The following CHEK1 variants were observed in gnomAD, a reference collection of about 807,000 sequenced individuals.
CHEK1 encodes the protein checkpoint kinase 1, also known as serine/threonine-protein kinase Chk1.
Under a neutral mutation model 60.2 loss-of-function variants are expected in CHEK1, and 32 were observed. The ratio of observed to expected loss-of-function variants is 0.53; its 90% CI spans 0.40 to 0.71. The LOEUF (loss-of-function observed/expected upper bound fraction) is 0.71, where lower values mean the gene tolerates loss of function less well. Ranked by LOEUF, CHEK1 falls within the 30% of genes least tolerant of loss-of-function variation. The pLI is 0.00. For synonymous variants in CHEK1, 179 were observed against 187.2 expected (o/e 0.96, Z 0.36); for missense variants, 399 against 564.6 (o/e 0.71, Z 2.97).
chr11:125,655,394 T>C lies in CHEK1; in HGVS notation c.*74T>C, dbSNP rs1941876371. On this transcript the variant is annotated 3_prime_UTR_variant, in exon 13 of 13. Coordinates refer to ENST00000438015, the MANE Select transcript of CHEK1 (RefSeq NM_001114122.3). ...TGACATTATTCTTCCTAGAGAAGAT[T>C]ATCCTGTCCTGCAAACTGCAAATAG... The C allele has an allele frequency of 9.5e-7, 1 of 1,056,006 alleles. No individual in the cohort carries two copies. Among genetic ancestry groups the C allele is most frequent in the Non-Finnish European group, 1.4e-6 (1 of 705,526 alleles). The allele number at this position is 1,056,006 out of a possible 1,614,324, so 65.4% of individuals were successfully genotyped here. A position where few individuals can be genotyped will look rare whatever the true frequency, so the allele number is the denominator to read the frequency against.
At position 125,625,890 on chromosome 11, in the gene CHEK1, G is replaced by A. The variant is rs1341355771; in HGVS notation, c.-143G>A. ...CCGACATTCAGAGGGGCAGGACACGGGAACGCGCGCTGTCTTGCTTTACGG... is the reference window on the plus strand; with the variant it reads ...CCGACATTCAGAGGGGCAGGACACGAGAACGCGCGCTGTCTTGCTTTACGG... On this transcript the variant is annotated 5_prime_UTR_variant, in exon 1 of 13. Transcript: ENST00000438015. 1.4e-6 allele frequency: 1 copy of A among 702,672 alleles called. No individual in the cohort carries two copies. The highest frequency in any genetic ancestry group is 2.6e-6 in the Non-Finnish European group (1 of 385,020). The allele number at this position is 702,672 out of a possible 1,614,324, so 43.5% of individuals were successfully genotyped here.
intron 13 of CHEK1, chr11:125,672,825 G>T: frequency 7.4e-7 from 1 of 1,342,888 alleles, no homozygotes; most frequent in Non-Finnish European, 1.0e-6. Context: ...ACCTCCACTT[G>T]TCCATTATCC....
At chr11:125,644,440 G>T in intron 10 of CHEK1, 72 bp from the exon 11 acceptor site, 6 of 1,549,856 alleles carry the variant, frequency 3.9e-6, no homozygotes, top group Non-Finnish European at 8.7e-7. Context: ...TTTTAAGTCA[G>T]ACTAAATAGC....
chr11:125,658,531 C>T (rs923771304), downstream of CHEK1, among the ~76,000 whole-genome samples: 7 of 151,928 alleles, frequency 4.6e-5, no homozygotes, highest in Non-Finnish European at 8.8e-5. Context: ...TTGTTCCATT[C>T]TTCATGAACA....
Position 125,650,309 on chromosome 11 carries a change from A to T in CHEK1, c.1234-3437A>T, listed in dbSNP as rs184528288. Among the ~76,000 whole-genome samples, 3 of 151,946 alleles carry T rather than the reference A, an allele frequency of 2.0e-5. No individual in the cohort carries two copies. In the East Asian group the frequency reaches 5.8e-4, roughly 29 times the overall value. On this transcript the variant is annotated intron_variant, in intron 11 of 12. Transcript: ENST00000438015. ...TTGCTGTTTTTCCTTTATAAGGGCC[A>T]TACTTTGTTTCCTTACATGCTTTGT...
chr11:125,660,130 A>G (rs936479304), downstream of CHEK1, among the ~76,000 whole-genome samples: 1 of 152,192 alleles, frequency 6.6e-6, no homozygotes, highest in Non-Finnish European at 1.5e-5. Flanking sequence ...TATTATGAAT[A>G]AGGCTGCTGT....
chr11:125,659,962 A>G (rs868356682), downstream of CHEK1, among the ~76,000 whole-genome samples: 6 of 152,216 alleles, frequency 3.9e-5, no homozygotes, highest in Admixed American at 6.5e-5. Flanking sequence ...AGAATTGGAT[A>G]ATACATGTGT....
intron 3 of CHEK1, among the ~76,000 whole-genome samples, chr11:125,628,306 G>A (rs1283633783): frequency 6.6e-6 from 1 of 152,062 alleles, no homozygotes; most frequent in African/African-American, 2.4e-5. Context: ...TTCTATGTTT[G>A]CTATTAATAC....
chr11:125,630,153 T>C (rs180810352), intron 5 of CHEK1, among the ~76,000 whole-genome samples: 23 of 152,308 alleles, frequency 1.5e-4, no homozygotes, highest in African/African-American at 4.6e-4. Context: ...GAAATTTAGT[T>C]ATATTTTCTG....
chr11:125,649,093 C>T lies in CHEK1; in HGVS notation c.1233+4450C>T, dbSNP rs3731467. On this transcript the variant is annotated intron_variant, in intron 11 of 12. Transcript: ENST00000438015. ...AGTGGGTACTACAGGTGTGCACCAC[C>T]ATGCCCAGCTAAATTGACAGTTTTC... is the stretch of plus-strand genomic sequence containing the variant. 2.8e-4 allele frequency among the ~76,000 whole-genome samples: 43 copies of T among 152,248 alleles called. No homozygotes were observed. In the East Asian group the frequency reaches 5.4e-3, roughly 19 times the overall value.
At chr11:125,657,834 G>T (rs553375100), downstream of CHEK1, among the ~76,000 whole-genome samples, 1 of 152,258 alleles carries the variant, frequency 6.6e-6, no homozygotes, top group African/African-American at 2.4e-5. Flanking sequence ...AGAGTCTAAG[G>T]TATATATCCA....
chr11:125,646,684 T>C (rs1313837229), intron 11 of CHEK1, among the ~76,000 whole-genome samples: 1 of 152,172 alleles, frequency 6.6e-6, no homozygotes, highest in Non-Finnish European at 1.5e-5. Flanking sequence ...TGAAGTCTTA[T>C]CTCATTTTGC....
At chr11:125,662,520 T>A (rs555514871) in intron 13 of CHEK1, among the ~76,000 whole-genome samples, 1 of 152,346 alleles carries the variant, frequency 6.6e-6, no homozygotes, top group South Asian at 2.1e-4. Context: ...TGGAACTGGC[T>A]TTTTTCACTC....
downstream of CHEK1, among the ~76,000 whole-genome samples, chr11:125,680,047 C>T (rs1244728864): frequency 2.0e-5 from 3 of 152,220 alleles, no homozygotes; most frequent in East Asian, 5.8e-4. Flanking sequence ...ATACTATCAC[C>T]TGGTGGCTGT....
chr11:125,640,857 G>A (rs1170048907), intron 8 of CHEK1, among the ~76,000 whole-genome samples: 1 of 152,112 alleles, frequency 6.6e-6, no homozygotes, highest in Non-Finnish European at 1.5e-5. Flanking sequence ...TCAAACTGCT[G>A]GGCTTAAGCA....
chr11:125,626,993 TA>T (rs912218732), intron 2 of CHEK1, among the ~76,000 whole-genome samples, 160 bp downstream of exon 2: 13 of 148,938 alleles, frequency 8.7e-5, no homozygotes, highest in East Asian at 1.9e-4. Context: ...TCCTTCCCTT[TA>T]AAAAAAAAAG....
intron 2 of CHEK1, among the ~76,000 whole-genome samples, chr11:125,627,225 TG>T (rs1037125200): frequency 1.1e-4 from 17 of 152,290 alleles, no homozygotes; most frequent in African/African-American, 4.1e-4. Flanking sequence ...ACCTTTAGGG[TG>T]GCAATAATCG....
downstream of CHEK1, among the ~76,000 whole-genome samples, chr11:125,680,352 C>A (rs1166720823): frequency 6.6e-6 from 1 of 152,196 alleles, no homozygotes; most frequent in East Asian, 1.9e-4. Context: ...ATTACATCTT[C>A]CCATCTCCCA....
downstream of CHEK1, chr11:125,676,501 A>G: frequency 1.9e-6 from 3 of 1,613,836 alleles, no homozygotes; most frequent in Non-Finnish European, 2.5e-6. Flanking sequence ...GATAAGCCTG[A>G]TGACATTTCC....
Sources: allele counts gnomAD v4.1 joint callset (sites outside exome capture counted in the v4.1 genomes callset), GRCh38; gene constraint gnomAD v4.1.1; transcripts MANE v1.5; gene names NCBI Gene and HGNC (gene_info 2026-07-23, HGNC 2026-07-21).